Variants in CAMK1D observed in about 807,000 individuals in gnomAD.
CAMK1D encodes the protein calcium/calmodulin-dependent protein kinase type 1D.
In CAMK1D, 9 loss-of-function variants were observed where a neutral mutation model predicts 47.7. The observed-to-expected ratio is 0.19, with a 90% confidence interval of 0.11 to 0.33. CAMK1D has a LOEUF of 0.33. Among genes scored for constraint, CAMK1D ranks in the 10% least tolerant of loss-of-function variants. CAMK1D has a pLI of 1.00. For missense variants in CAMK1D, 291 were observed against 488.7 expected (o/e 0.60, Z 3.81); for synonymous variants, 184 against 184.9 (o/e 0.99, Z 0.04).
At chr10:12,366,707 C>G (rs1588410228) in intron 1 of CAMK1D, among the ~76,000 whole-genome samples, 1 of 151,040 alleles carries the variant, frequency 6.6e-6, no homozygotes, top group African/African-American at 2.4e-5. Context: ...CCTGGGCAGT[C>G]AGTCATTCTG....
chr10:12,818,589 T>A (rs954871121), intron 8 of CAMK1D, among the ~76,000 whole-genome samples: 1 of 151,686 alleles, frequency 6.6e-6, no homozygotes, highest in African/African-American at 2.4e-5. Context: ...GGAAATCACT[T>A]GAATCCAGGA....
chr10:12,762,166 T>A (rs1273779408), intron 4 of CAMK1D, among the ~76,000 whole-genome samples: 1 of 152,168 alleles, frequency 6.6e-6, no homozygotes, highest in Non-Finnish European at 1.5e-5. Context: ...AAAGCTGCAA[T>A]GTGACCTCAT....
chr10:12,373,321 A>C (rs1329591326), intron 1 of CAMK1D, among the ~76,000 whole-genome samples: 2 of 151,482 alleles, frequency 1.3e-5, no homozygotes, highest in Non-Finnish European at 2.9e-5. Context: ...TCAATAAAAA[A>C]GAAAAAAGAT....
Position 12,544,933 on chromosome 10 carries a change from C to T in CAMK1D, c.93-8292C>T, listed in dbSNP as rs549767102. Among the ~76,000 whole-genome samples the T allele has an allele frequency of 1.5e-3, 223 of 152,208 alleles. 2 individuals are homozygous for T. Among genetic ancestry groups the T allele is most frequent in the African/African-American group, 5.1e-3 (213 of 41,522 alleles). Reference sequence around the variant, plus strand: ...TGTTGAGCGGAAGGTCATTAGGATACATTACTTACTTTGCAGATCTGCAGC... The same window carrying T: ...TGTTGAGCGGAAGGTCATTAGGATATATTACTTACTTTGCAGATCTGCAGC... On this transcript the variant is annotated intron_variant, in intron 1 of 10. Transcript: ENST00000619168.
chr10:12,427,801 G>T (rs999738802), intron 1 of CAMK1D, among the ~76,000 whole-genome samples: 1 of 134,238 alleles, frequency 7.4e-6, no homozygotes, highest in Non-Finnish European at 1.5e-5. Flanking sequence ...TTTTCCTCCC[G>T]GGTTCAAGCG....
chr10:12,467,299 G>A (rs950812593), intron 1 of CAMK1D, among the ~76,000 whole-genome samples: 93 of 152,200 alleles, frequency 6.1e-4, no homozygotes, highest in Non-Finnish European at 1.2e-3. Flanking sequence ...ATTACAGGTA[G>A]CTGCCACAAT....
chr10:12,592,433 A>G (rs978013117), intron 2 of CAMK1D, among the ~76,000 whole-genome samples: 1 of 152,186 alleles, frequency 6.6e-6, no homozygotes, highest in Non-Finnish European at 1.5e-5. Context: ...TAAAGTGATG[A>G]CATTGTCTTG....
intron 1 of CAMK1D, among the ~76,000 whole-genome samples, chr10:12,494,611 C>G (rs1390748095): frequency 1.4e-5 from 1 of 70,852 alleles, no homozygotes; most frequent in African/African-American, 6.3e-5. Context: ...GTTGCCCAGG[C>G]TGGAGTGCAG....
At chr10:12,413,719 A>C (rs1397268730) in intron 1 of CAMK1D, among the ~76,000 whole-genome samples, 1 of 149,586 alleles carries the variant, frequency 6.7e-6, no homozygotes, top group African/African-American at 2.5e-5. Context: ...CTGATTTCAA[A>C]TATTCCATTC....
intron 1 of CAMK1D, among the ~76,000 whole-genome samples, chr10:12,485,983 G>A (rs988831030): frequency 5.9e-5 from 9 of 152,092 alleles, no homozygotes; most frequent in African/African-American, 2.2e-4. Context: ...CCTTCCCAGG[G>A]ACCACGGCAG....
chr10:12,464,016 A>G (rs1014241465), intron 1 of CAMK1D, among the ~76,000 whole-genome samples: 19 of 152,240 alleles, frequency 1.2e-4, no homozygotes, highest in Non-Finnish European at 2.1e-4. Context: ...CTCCCCAGCC[A>G]TGCTGAACTG....
At chr10:12,510,270 G>C (rs1261111117) in intron 1 of CAMK1D, among the ~76,000 whole-genome samples, 1 of 152,158 alleles carries the variant, frequency 6.6e-6, no homozygotes, top group African/African-American at 2.4e-5. Flanking sequence ...ACAAAAATTA[G>C]CTGGGCGTGG....
At chr10:12,361,395 C>T (rs539399311) in intron 1 of CAMK1D, among the ~76,000 whole-genome samples, 3 of 151,770 alleles carry the variant, frequency 2.0e-5, no homozygotes, top group Non-Finnish European at 2.9e-5. Flanking sequence ...AACAGGCATG[C>T]ACCACCACAC....
At chr10:12,495,602 A>G (rs1427983783) in intron 1 of CAMK1D, among the ~76,000 whole-genome samples, 1 of 152,236 alleles carries the variant, frequency 6.6e-6, no homozygotes, top group Non-Finnish European at 1.5e-5. Flanking sequence ...TGTATTGCTC[A>G]TTTAGCTTTC....
At position 12,698,673 on chromosome 10, in the gene CAMK1D, A is replaced by ATTTTTTTTTTTTTTTTTT. The variant is rs573723767; in HGVS notation, c.299+31864_299+31881dup. On this transcript the variant is annotated intron_variant, in intron 3 of 10. Transcript: ENST00000619168. ...GAAGAAAAATGATGCCCTTTAAAGAATTTTTTTTTTTTTTTTTTGAGACGG... is the reference window on the plus strand; with the variant it reads ...GAAGAAAAATGATGCCCTTTAAAGAATTTTTTTTTTTTTTTTTTTTTTTTTTTTTTTTTTTTGAGACGG... Among the ~76,000 whole-genome samples, 197 of 103,902 alleles carry ATTTTTTTTTTTTTTTTTT rather than the reference A, an allele frequency of 1.9e-3. 12 individuals carry two copies. Among genetic ancestry groups the ATTTTTTTTTTTTTTTTTT allele is most frequent in the African/African-American group, 6.8e-3 (191 of 28,252 alleles). 68.2% of individuals were successfully genotyped at this position (103,902 alleles called of 152,430 possible). A position where few individuals can be genotyped will look rare whatever the true frequency, so the allele number is the denominator to read the frequency against.
intron 7 of CAMK1D, 63 bp from the exon 8 acceptor site, chr10:12,816,187 G>T: frequency 7.4e-7 from 1 of 1,353,208 alleles, no homozygotes; most frequent in Non-Finnish European, 1.1e-6. Flanking sequence ...GACCTGGTGG[G>T]ATCATATTGT....
At chr10:12,467,482 A>C (rs1833627019) in intron 1 of CAMK1D, among the ~76,000 whole-genome samples, 1 of 152,174 alleles carries the variant, frequency 6.6e-6, no homozygotes, top group Non-Finnish European at 1.5e-5. Flanking sequence ...AGCTGCGACC[A>C]GGGTAACTTA....
At chr10:12,522,780 A>G (rs1835466341) in intron 1 of CAMK1D, among the ~76,000 whole-genome samples, 1 of 146,932 alleles carries the variant, frequency 6.8e-6, no homozygotes, top group African/African-American at 2.5e-5. Flanking sequence ...GCGGCCGGGC[A>G]GAGGCGCCCA....
intron 5 of CAMK1D, among the ~76,000 whole-genome samples, chr10:12,773,679 G>A (rs959304915): frequency 2.0e-5 from 3 of 152,048 alleles, no homozygotes; most frequent in South Asian, 2.1e-4. Flanking sequence ...GATTACCTGC[G>A]GTCAGGAGTT....
Sources: gnomAD v4.1 joint callset for allele counts (sites outside exome capture counted in the v4.1 genomes callset) on GRCh38, gnomAD v4.1.1 for gene constraint, MANE v1.5 for transcripts, NCBI Gene and HGNC (gene_info 2026-07-23, HGNC 2026-07-21) for gene names.